Variants in MACROD2 observed in about 807,000 individuals in gnomAD.
MACROD2 encodes mono-ADP ribosylhydrolase 2, also known as ADP-ribose glycohydrolase MACROD2.
In MACROD2, 36 loss-of-function variants were observed where a neutral mutation model predicts 70.4. The ratio of observed to expected loss-of-function variants is 0.51; its 90% CI spans 0.39 to 0.68. The LOEUF is 0.68. MACROD2 is among the 30% of genes least tolerant of loss of function. The pLI, the probability that MACROD2 is intolerant of heterozygous loss-of-function variation, is 0.00. For missense variants in MACROD2, 496 were observed against 538.4 expected, an observed-to-expected ratio of 0.92 and a Z score of 0.78; for synonymous variants, 172 against 178.8, an observed-to-expected ratio of 0.96 and a Z score of 0.30.
intron 8 of MACROD2, among the ~76,000 whole-genome samples, chr20:15,611,222 G>A (rs941711315): frequency 2.0e-5 from 3 of 151,786 alleles, no homozygotes; most frequent in Non-Finnish European, 4.4e-5. Context: ...CAAACCTTTA[G>A]GGTAGATAGC....
chr20:15,081,674 AG>A (rs1418363635), intron 5 of MACROD2, among the ~76,000 whole-genome samples: 2 of 152,168 alleles, frequency 1.3e-5, no homozygotes, highest in Non-Finnish European at 2.9e-5. Flanking sequence ...TATAACCAAG[AG>A]GGGTGAGTAG....
chr20:14,539,435 G>A (rs773130371), intron 4 of MACROD2, among the ~76,000 whole-genome samples: 10 of 152,166 alleles, frequency 6.6e-5, no homozygotes, highest in Non-Finnish European at 1.2e-4. Flanking sequence ...GGTAGAAGAA[G>A]GGAGAGTGTT....
At chr20:15,445,195 T>TTTC in intron 7 of MACROD2, among the ~76,000 whole-genome samples, 1 of 152,290 alleles carries the variant, frequency 6.6e-6, no homozygotes, top group African/African-American at 2.4e-5. Flanking sequence ...TTCTGTTTGC[T>TTTC]TGAATTTGCT....
In MACROD2 at chr20:15,145,928, T is replaced by C. The variant is rs563245385; in HGVS notation, c.419-84012T>C. 1.1e-4 allele frequency among the ~76,000 whole-genome samples: 17 copies of C among 152,210 alleles called. No homozygotes were observed. The East Asian group carries it at 2.5e-3, about 22-fold the overall frequency. On this transcript the variant is annotated intron_variant, in intron 5 of 17. Transcript: ENST00000684519. ...TGAAAAATTTCAAAAAAATTGTTTA[T>C]AATAAATGCTTTCAGGCATAAACAT...
chr20:15,809,319 T>A (rs1288215046), intron 8 of MACROD2, among the ~76,000 whole-genome samples: 2 of 152,220 alleles, frequency 1.3e-5, no homozygotes, highest in Admixed American at 1.3e-4. Context: ...GGTCTTTGCC[T>A]CTGGTATCCC....
chr20:16,010,703 GT>G (rs1365093775), intron 15 of MACROD2, among the ~76,000 whole-genome samples: 1 of 152,128 alleles, frequency 6.6e-6, no homozygotes, highest in Admixed American at 6.5e-5. Context: ...CTTAGAGTCT[GT>G]TTGGGAGACA....
At chr20:14,126,211 C>T (rs1192373193) in intron 3 of MACROD2, among the ~76,000 whole-genome samples, 2 of 152,182 alleles carry the variant, frequency 1.3e-5, no homozygotes, top group African/African-American at 2.4e-5. Flanking sequence ...GGTCTTTCTC[C>T]TTGGCTTGCA....
chr20:15,800,545 C>T (rs1268678855), intron 8 of MACROD2, among the ~76,000 whole-genome samples: 1 of 152,196 alleles, frequency 6.6e-6, no homozygotes, highest in Non-Finnish European at 1.5e-5. Flanking sequence ...GATGTCCTTT[C>T]CCCAATGTAT....
rs890815974 is a variant in MACROD2, at chr20:15,207,738, AC to A, written c.419-22198del. Reference sequence around the variant, plus strand: ...TTACAGGTGTGAGCCACATCACCTGACCCCTCTGGCCCCCATTACTTCTGAT... The same window carrying A: ...TTACAGGTGTGAGCCACATCACCTGACCCTCTGGCCCCCATTACTTCTGAT... On this transcript the variant is annotated intron_variant, in intron 5 of 17. Transcript: ENST00000684519. 2.1e-5 allele frequency among the ~76,000 whole-genome samples: 3 copies of A among 144,662 alleles called. No individual in the cohort carries two copies. In the Admixed American group the frequency reaches 2.1e-4, roughly 10 times the overall value. The allele number at this position is 144,662 out of a possible 152,430, so 94.9% of individuals were successfully genotyped here. A position where few individuals can be genotyped will look rare whatever the true frequency, so the allele number is the denominator to read the frequency against.
At chr20:14,215,881 T>C (rs2081618007) in intron 3 of MACROD2, among the ~76,000 whole-genome samples, 1 of 152,150 alleles carries the variant, frequency 6.6e-6, no homozygotes, top group Non-Finnish European at 1.5e-5. Context: ...TCTTACTGAT[T>C]TGAGTTCATT....
intron 3 of MACROD2, among the ~76,000 whole-genome samples, chr20:14,427,847 A>G (rs2083950725): frequency 6.6e-6 from 1 of 152,156 alleles, no homozygotes; most frequent in Non-Finnish European, 1.5e-5. Flanking sequence ...GAGTAATGAA[A>G]TACCAAGTGG....
intron 8 of MACROD2, among the ~76,000 whole-genome samples, chr20:15,708,159 A>G (rs762853403): frequency 2.0e-5 from 3 of 152,184 alleles, no homozygotes; most frequent in Non-Finnish European, 2.9e-5. Flanking sequence ...TTATTTATTC[A>G]TCAAAATACA....
chr20:15,140,137 C>T lies in MACROD2; in HGVS notation c.419-89803C>T, dbSNP rs536766520. Reference sequence around the variant, plus strand: ...AATTTTCTGTAGATTTTACCCATGTCGTCCTCTATACATAGAGAGATCATA... The same window carrying T: ...AATTTTCTGTAGATTTTACCCATGTTGTCCTCTATACATAGAGAGATCATA... On this transcript the variant is annotated intron_variant, in intron 5 of 17. Coordinates refer to ENST00000684519, the MANE Select transcript of MACROD2 (RefSeq NM_001351661.2). Among the ~76,000 whole-genome samples, 122 of 152,284 alleles carry T rather than the reference C, an allele frequency of 8.0e-4. 1 individual carries two copies. The highest frequency in any genetic ancestry group is 2.6e-3 in the African/African-American group (106 of 41,562).
chr20:14,823,448 C>A (rs1282565561), intron 5 of MACROD2, among the ~76,000 whole-genome samples: 2 of 152,090 alleles, frequency 1.3e-5, no homozygotes, highest in African/African-American at 4.8e-5. Flanking sequence ...CATAAGGAGT[C>A]TGGAGCTGGC....
At chr20:14,561,814 A>G (rs1041510226) in intron 4 of MACROD2, among the ~76,000 whole-genome samples, 4 of 151,844 alleles carry the variant, frequency 2.6e-5, no homozygotes, top group South Asian at 2.1e-4. Context: ...CCTCTTCTCT[A>G]TTACAGCTTA....
chr20:14,327,055 C>T lies in MACROD2; in HGVS notation c.272-166424C>T, dbSNP rs550965135. 89 of 1,613,680 alleles carry T rather than the reference C, an allele frequency of 5.5e-5. No homozygotes were observed. The highest frequency in any genetic ancestry group is 4.2e-4 in the Admixed American group (25 of 59,974). ...AAGCAGTCGGAGATAGTTGCTGTCT[C>T]GGAATGCTCCCTCTTCTATGCTAAC... On this transcript the variant is annotated intron_variant, in intron 3 of 17. Transcript: ENST00000684519.
chr20:15,317,585 G>A (rs1481957553), intron 6 of MACROD2, among the ~76,000 whole-genome samples: 1 of 151,664 alleles, frequency 6.6e-6, no homozygotes, highest in Non-Finnish European at 1.5e-5. Context: ...GATAATGGAG[G>A]CTGAAAAGAT....
chr20:14,799,510 G>A (rs1195426512), intron 5 of MACROD2, among the ~76,000 whole-genome samples: 1 of 152,010 alleles, frequency 6.6e-6, no homozygotes, highest in Non-Finnish European at 1.5e-5. Context: ...CATTAACGAG[G>A]AAAGTATCAC....
intron 6 of MACROD2, among the ~76,000 whole-genome samples, chr20:15,342,936 C>T (rs1433098322): frequency 6.6e-6 from 1 of 152,180 alleles, no homozygotes; most frequent in Non-Finnish European, 1.5e-5. Context: ...TAATATCTTC[C>T]AGTTGTTTCT....
Sources: gnomAD v4.1 joint callset for allele counts (sites outside exome capture counted in the v4.1 genomes callset) on GRCh38, gnomAD v4.1.1 for gene constraint, MANE v1.5 for transcripts, NCBI Gene and HGNC (gene_info 2026-07-23, HGNC 2026-07-21) for gene names.